Variants in KLHL22 observed in about 807,000 individuals in gnomAD.
The protein encoded by KLHL22 is kelch like family member 22.
A neutral mutation model predicts 60.7 loss-of-function variants in KLHL22; 18 were observed. The ratio of observed to expected loss-of-function variants is 0.30; its 90% CI spans 0.20 to 0.44. KLHL22 has a LOEUF of 0.44. Ranked by LOEUF, KLHL22 falls within the 20% of genes least tolerant of loss-of-function variation. The pLI is 1.00. For missense variants in KLHL22, 596 were observed against 852.3 expected, an observed-to-expected ratio of 0.70 and a Z score of 3.74; for synonymous variants, 355 against 354.5, an observed-to-expected ratio of 1.00 and a Z score of -0.01.
In KLHL22 at chr22:20,495,390, G is replaced by A. The variant is rs2053752603; in HGVS notation, c.-34+370C>T. Reference sequence around the variant, plus strand: ...TCGCCCGCCTGTTGCAAGGCCGCCCGCTCCAGCGCGGAGGGTCGCGGCCAG... The same window carrying A: ...TCGCCCGCCTGTTGCAAGGCCGCCCACTCCAGCGCGGAGGGTCGCGGCCAG... On this transcript the variant is annotated intron_variant, in intron 1 of 6. Transcript: ENST00000328879. This position sits in a 1 kb window ranked among gnomAD's most constrained non-coding sequence, Gnocchi z 4.6. Among the ~76,000 whole-genome samples the A allele has an allele frequency of 6.6e-6, 1 of 152,080 alleles. No homozygotes were observed. Among genetic ancestry groups the A allele is most frequent in the Non-Finnish European group, 1.5e-5 (1 of 67,988 alleles).
chr22:20,448,022 A>G (rs1041411750), intron 5 of KLHL22, among the ~76,000 whole-genome samples: 15 of 152,152 alleles, frequency 9.9e-5, no homozygotes, highest in African/African-American at 3.4e-4. Context: ...TATCACCACC[A>G]GGATCCCGAG....
At chr22:20,456,175 C>G (rs1735974603) in intron 5 of KLHL22, 1 of 152,192 alleles carries the variant, frequency 6.6e-6, no homozygotes, top group South Asian at 2.1e-4. Context: ...CCAGAGCCCC[C>G]TCCCTGGAAA....
intron 4 of KLHL22, among the ~76,000 whole-genome samples, chr22:20,459,571 GAA>G (rs2053120425): frequency 6.6e-6 from 1 of 152,228 alleles, no homozygotes; most frequent in Non-Finnish European, 1.5e-5. Flanking sequence ...AGACGAGCAT[GAA>G]AAGTGTCCTT....
intron 3 of KLHL22, among the ~76,000 whole-genome samples, chr22:20,469,514 A>C (rs1451966118): frequency 2.0e-5 from 3 of 152,182 alleles, no homozygotes. Context: ...GAGGGTTCCC[A>C]AAGCAACAAT....
At chr22:20,491,585 T>C (rs905329245) in intron 1 of KLHL22, 1 of 152,166 alleles carries the variant, frequency 6.6e-6, no homozygotes, top group Admixed American at 6.5e-5. Flanking sequence ...TGTAACACAA[T>C]GGAATTTGTG....
intron 5 of KLHL22, chr22:20,450,561 T>C: frequency 2.5e-6 from 4 of 1,611,312 alleles, no homozygotes; most frequent in Non-Finnish European, 3.4e-6. Flanking sequence ...ACAATTGTGT[T>C]GACCTGACAC....
At chr22:20,450,823 A>G (rs2052964898) in intron 5 of KLHL22, 1 of 1,534,900 alleles carries the variant, frequency 6.5e-7, no homozygotes, top group Admixed American at 1.7e-5. Context: ...CACAGATGTA[A>G]TAGATGCTGA....
At chr22:20,445,732 C>G (rs573130499) in intron 6 of KLHL22, among the ~76,000 whole-genome samples, 11 of 152,114 alleles carry the variant, frequency 7.2e-5, no homozygotes, top group Admixed American at 5.2e-4. Flanking sequence ...CAGGTATGTG[C>G]TGCCAGCCTG....
chr22:20,471,095 A>G (rs1319643999), intron 3 of KLHL22, among the ~76,000 whole-genome samples: 1 of 152,182 alleles, frequency 6.6e-6, no homozygotes, highest in Non-Finnish European at 1.5e-5. Context: ...AATGACAGGG[A>G]GACTCAGACA....
intron 2 of KLHL22, chr22:20,483,653 G>T: frequency 1.4e-6 from 1 of 727,238 alleles, no homozygotes; most frequent in South Asian, 1.3e-5. Flanking sequence ...TCGATCTACA[G>T]AAAGATACGG....
At chr22:20,487,236 G>C (rs2146283802) in intron 2 of KLHL22, among the ~76,000 whole-genome samples, 1 of 148,442 alleles carries the variant, frequency 6.7e-6, no homozygotes, top group South Asian at 2.1e-4. Flanking sequence ...TTGTTTTTTT[G>C]AAACAGGGTC....
chr22:20,484,026 C>T (rs2053547743), intron 2 of KLHL22: 1 of 772,324 alleles, frequency 1.3e-6, no homozygotes. Flanking sequence ...GCTGACCAGC[C>T]AGGCGCCATA....
intron 2 of KLHL22, chr22:20,484,235 C>T (rs1348088833): frequency 5.1e-6 from 2 of 394,374 alleles, no homozygotes; most frequent in Non-Finnish European, 9.9e-6. Context: ...TCAGGTGATC[C>T]ACCCGCCTCA....
chr22:20,483,657 G>A, intron 2 of KLHL22: 1 of 727,994 alleles, frequency 1.4e-6, no homozygotes, highest in South Asian at 1.3e-5. Context: ...TCTACAGAAA[G>A]ATACGGGCGT....
intron 6 of KLHL22, among the ~76,000 whole-genome samples, chr22:20,445,688 C>T (rs1421911756): frequency 6.6e-6 from 1 of 152,152 alleles, no homozygotes; most frequent in Non-Finnish European, 1.5e-5. Context: ...CTGAAACAAT[C>T]CTCCCACTTC....
In KLHL22 at chr22:20,495,629, G is replaced by T. The variant is rs2053757062; in HGVS notation, c.-34+131C>A. 1 of 150,172 alleles carries T rather than the reference G, an allele frequency of 6.7e-6. No homozygotes were observed. Among genetic ancestry groups the T allele is most frequent in the Non-Finnish European group, 1.5e-5 (1 of 67,006 alleles). 9.3% of individuals were successfully genotyped at this position (150,172 alleles called of 1,614,324 possible). On this transcript the variant is annotated intron_variant, in intron 1 of 6. Transcript: ENST00000328879. The surrounding 1 kb of genome is among the most constrained non-coding windows in gnomAD (Gnocchi z 4.6). Reference sequence around the variant, plus strand: ...CTCAGGTCGCCGCCCCCGAGCCTCCGGCCCGCGCCCGCCCCCGCGCCCCTC... The same window carrying T: ...CTCAGGTCGCCGCCCCCGAGCCTCCTGCCCGCGCCCGCCCCCGCGCCCCTC...
chr22:20,441,722 G>A lies in KLHL22; in HGVS notation c.*351C>T, dbSNP rs151131836. On this transcript the variant is annotated 3_prime_UTR_variant, in exon 7 of 7. Transcript: ENST00000328879. ...CCATTCACAGAAAGAGGGCTACCAC[G>A]TGCCTCAGCCCCCCTGCCCAGGCTG... is the stretch of plus-strand genomic sequence containing the variant. 162 of 227,452 alleles carry A rather than the reference G, an allele frequency of 7.1e-4. No homozygotes were observed. Among genetic ancestry groups the A allele is most frequent in the African/African-American group, 3.5e-3 (153 of 44,104 alleles). The allele number at this position is 227,452 out of a possible 1,614,324, so 14.1% of individuals were successfully genotyped here. A position where few individuals can be genotyped will look rare whatever the true frequency, so the allele number is the denominator to read the frequency against.
At chr22:20,451,423 G>A (rs927028696) in intron 5 of KLHL22, 61 of 1,607,678 alleles carry the variant, frequency 3.8e-5, no homozygotes, top group South Asian at 9.9e-5. Flanking sequence ...AGGATATGAC[G>A]GCTTGAATAT....
chr22:20,450,513 T>G (rs142121343), intron 5 of KLHL22: 6 of 1,614,136 alleles, frequency 3.7e-6, no homozygotes, highest in Non-Finnish European at 4.2e-6. Flanking sequence ...AGTTGGACCC[T>G]TCTAATTGCC....
Sources: gnomAD v4.1 joint callset for allele counts (sites outside exome capture counted in the v4.1 genomes callset) on GRCh38, gnomAD v4.1.1 for gene constraint, Gnocchi (gnomAD v3.1) non-coding constraint, MANE v1.5 for transcripts, NCBI Gene and HGNC (gene_info 2026-07-23, HGNC 2026-07-21) for gene names.